Variants in EHD4 observed in about 807,000 individuals in gnomAD.
EHD4 encodes the protein EH domain-containing protein 4.
Under a neutral mutation model 51.0 loss-of-function variants are expected in EHD4, and 37 were observed. The ratio of observed to expected loss-of-function variants is 0.73; its 90% CI spans 0.56 to 0.95. EHD4 has a LOEUF of 0.95. EHD4 is among the 40% of genes least tolerant of loss of function. EHD4 has a pLI of 0.00. For missense variants in EHD4, 632 were observed against 733.1 expected (o/e 0.86, Z 1.59); for synonymous variants, 297 against 317.3 (o/e 0.94, Z 0.68).
At chr15:41,909,611 G>T in intron 5 of EHD4, 88 bp downstream of exon 5, 2 of 1,461,118 alleles carry the variant, frequency 1.4e-6, no homozygotes, top group South Asian at 1.2e-5. Flanking sequence ...TAAACCATGG[G>T]ACTCTCATTT....
intron 4 of EHD4, among the ~76,000 whole-genome samples, chr15:41,911,248 TGA>T (rs2067547478): frequency 6.6e-6 from 1 of 152,350 alleles, no homozygotes; most frequent in South Asian, 2.1e-4. Flanking sequence ...TGGCTACCGC[TGA>T]GAGGATGGTC....
chr15:41,938,663 T>C (rs182054659), intron 3 of EHD4, among the ~76,000 whole-genome samples: 1 of 152,212 alleles, frequency 6.6e-6, no homozygotes, highest in South Asian at 2.1e-4. Flanking sequence ...GCTTTTTCCT[T>C]CTAGAGTTAT....
chr15:41,912,473 T>C (rs1595531595), intron 4 of EHD4, among the ~76,000 whole-genome samples: 1 of 152,154 alleles, frequency 6.6e-6, no homozygotes, highest in Admixed American at 6.5e-5. Flanking sequence ...GGCAGGTGGG[T>C]CACTTAAGGT....
chr15:41,947,982 C>T (rs981634268), intron 2 of EHD4, among the ~76,000 whole-genome samples: 4 of 150,350 alleles, frequency 2.7e-5, no homozygotes, highest in Non-Finnish European at 5.9e-5. Flanking sequence ...TTAGGCCAGG[C>T]GCGGTGGCTC....
Position 41,899,874 on chromosome 15 carries a change from G to A in EHD4, c.*771C>T, listed in dbSNP as rs778843885. Reference sequence around the variant, plus strand: ...CTTCAATGTGATTTGACATGCAAACGGGAAGTTTTGCCAGGGGTTAATAAA... The same window carrying A: ...CTTCAATGTGATTTGACATGCAAACAGGAAGTTTTGCCAGGGGTTAATAAA... On this transcript the variant is annotated 3_prime_UTR_variant, in exon 6 of 6. Transcript: ENST00000220325. 6 of 152,228 alleles carry A rather than the reference G, an allele frequency of 3.9e-5. No homozygotes were observed. Among genetic ancestry groups the A allele is most frequent in the African/African-American group, 1.4e-4 (6 of 41,460 alleles). 9.4% of individuals were successfully genotyped at this position (152,228 alleles called of 1,614,324 possible).
rs748265279 is a variant in EHD4, at chr15:41,919,350, C to A, written c.784G>T (p.Ala262Ser). Reference sequence around the variant, plus strand: ...TTGTCCGTGTTCTGCAGGGGCTGCGCCCAGAAGGAGCCAATGTAGACGCGC... The same window carrying A: ...TTGTCCGTGTTCTGCAGGGGCTGCGACCAGAAGGAGCCAATGTAGACGCGC... ...VLRVYIGSFW[A>S]QPLQNTDNRR... The change falls in exon 4 of 6, where the codon GCG becomes TCG. Residue 262 changes from alanine to serine, a missense_variant. Transcript: ENST00000220325. 62 of 1,614,062 alleles carry A rather than the reference C, an allele frequency of 3.8e-5. No individual in the cohort carries two copies. Among genetic ancestry groups the A allele is most frequent in the Non-Finnish European group, 3.8e-5 (45 of 1,180,038 alleles).
intron 1 of EHD4, among the ~76,000 whole-genome samples, chr15:41,956,810 G>GA (rs376622377): frequency 3.3e-5 from 5 of 152,300 alleles, no homozygotes; most frequent in African/African-American, 1.2e-4. Flanking sequence ...TTATCAATTT[G>GA]TTTGGTGATA....
At chr15:41,927,309 A>G (rs2067669431) in intron 3 of EHD4, among the ~76,000 whole-genome samples, 2 of 152,238 alleles carry the variant, frequency 1.3e-5, no homozygotes, top group Non-Finnish European at 2.9e-5. Context: ...GTATTTGTCC[A>G]AAAGAACTGA....
chr15:41,930,541 C>T (rs546754356), intron 3 of EHD4, among the ~76,000 whole-genome samples: 40 of 152,222 alleles, frequency 2.6e-4, no homozygotes, highest in South Asian at 1.0e-3. Context: ...GTTAAACCAA[C>T]GGGATGACAA....
intron 1 of EHD4, among the ~76,000 whole-genome samples, chr15:41,959,395 CAAAAAAAAAAA>C (rs36120701): frequency 9.0e-5 from 6 of 66,412 alleles, no homozygotes; most frequent in East Asian, 5.0e-4. Flanking sequence ...GACTTTGTCT[CAAAAAAAAAAA>C]AAAAAAAAAA....
At chr15:41,910,865 G>A (rs1167430502) in intron 4 of EHD4, among the ~76,000 whole-genome samples, 7 of 152,128 alleles carry the variant, frequency 4.6e-5, no homozygotes, top group African/African-American at 1.7e-4. Context: ...CACCATGCCC[G>A]GCTACTTTGT....
At chr15:41,949,119 C>G (rs932662069) in intron 2 of EHD4, among the ~76,000 whole-genome samples, 2 of 149,236 alleles carry the variant, frequency 1.3e-5, no homozygotes, top group African/African-American at 4.9e-5. Context: ...CCTGTAATCC[C>G]AGCACTTTGG....
At chr15:41,972,218 G>A (rs1400585365) in intron 1 of EHD4, 41 bp downstream of exon 1, 9 of 1,475,186 alleles carry the variant, frequency 6.1e-6, no homozygotes, top group South Asian at 1.4e-5. Flanking sequence ...CGTGGGGAGG[G>A]CGGAGCGGGG....
intron 3 of EHD4, among the ~76,000 whole-genome samples, chr15:41,927,339 T>TA (rs1362247587): frequency 2.0e-5 from 3 of 152,350 alleles, no homozygotes; most frequent in Middle Eastern, 3.4e-3. Flanking sequence ...TTTGAAGAGA[T>TA]ATCTGCACAC....
intron 4 of EHD4, among the ~76,000 whole-genome samples, chr15:41,914,848 C>T (rs1190597252): frequency 1.3e-5 from 2 of 150,238 alleles, no homozygotes; most frequent in Non-Finnish European, 1.5e-5. Context: ...TGCAGTGGCA[C>T]GATCCTGGTT....
intron 3 of EHD4, among the ~76,000 whole-genome samples, chr15:41,929,345 G>A (rs559263439): frequency 1.8e-4 from 28 of 152,352 alleles, no homozygotes; most frequent in African/African-American, 6.5e-4. Context: ...TGAGCCACAT[G>A]TCCCTGAAGG....
chr15:41,966,397 T>G (rs2067961969), intron 1 of EHD4, among the ~76,000 whole-genome samples: 1 of 152,172 alleles, frequency 6.6e-6, no homozygotes, highest in Non-Finnish European at 1.5e-5. Context: ...ACTTGCCTCG[T>G]ATCCCCTTTT....
At chr15:41,922,083 G>C (rs987036205) in intron 3 of EHD4, among the ~76,000 whole-genome samples, 2 of 152,126 alleles carry the variant, frequency 1.3e-5, no homozygotes, top group Non-Finnish European at 2.9e-5. Flanking sequence ...AGCTTCTTTG[G>C]TTTGCTATTG....
At chr15:41,940,486 C>T (rs1237112005) in intron 3 of EHD4, among the ~76,000 whole-genome samples, 4 of 152,188 alleles carry the variant, frequency 2.6e-5, no homozygotes, top group Non-Finnish European at 5.9e-5. Context: ...AAAATGTCAG[C>T]TGAGTGACTT....
Sources: gnomAD v4.1 joint callset for allele counts (sites outside exome capture counted in the v4.1 genomes callset) on GRCh38, gnomAD v4.1.1 for gene constraint, MANE v1.5 for transcripts, NCBI Gene and HGNC (gene_info 2026-07-23, HGNC 2026-07-21) for gene names.